The following ASAP1 variants were observed in gnomAD, a reference collection of about 807,000 sequenced individuals.
ASAP1 encodes the protein arf-GAP with SH3 domain, ANK repeat and PH domain-containing protein 1.
Under a neutral mutation model 145.2 loss-of-function variants are expected in ASAP1, and 43 were observed. The observed-to-expected ratio is 0.30, with a 90% CI of 0.23 to 0.38. ASAP1 has a LOEUF of 0.38. ASAP1 is among the 10% of genes least tolerant of loss of function. ASAP1 has a pLI of 1.00. For synonymous variants in ASAP1, 546 were observed against 515.5 expected, an observed-to-expected ratio of 1.06 and a Z score of -0.80; for missense variants, 1,018 against 1,355.3, an observed-to-expected ratio of 0.75 and a Z score of 3.91.
intron 27 of ASAP1, among the ~76,000 whole-genome samples, chr8:130,070,965 G>T (rs1592732962): frequency 8.1e-5 from 2 of 24,678 alleles, no homozygotes; most frequent in Admixed American, 3.9e-4. Flanking sequence ...GAGAGAGGGG[G>T]AGAGAGAGGG....
At chr8:130,418,423 C>T (rs1381868356) in intron 1 of ASAP1, among the ~76,000 whole-genome samples, 1 of 152,130 alleles carries the variant, frequency 6.6e-6, no homozygotes, top group African/African-American at 2.4e-5. Flanking sequence ...TGGCATGAGC[C>T]TGTAATCCCA....
intron 28 of ASAP1, among the ~76,000 whole-genome samples, chr8:130,058,560 G>A (rs1209620663): frequency 2.0e-5 from 3 of 152,196 alleles, no homozygotes; most frequent in Non-Finnish European, 4.4e-5. Flanking sequence ...AGTACATGCT[G>A]GTTAAACACA....
At chr8:130,419,220 A>G (rs1829617091) in intron 1 of ASAP1, among the ~76,000 whole-genome samples, 1 of 152,132 alleles carries the variant, frequency 6.6e-6, no homozygotes, top group Non-Finnish European at 1.5e-5. Flanking sequence ...ATCGCTCCTC[A>G]TTGCTGATTT....
At chr8:130,171,524 G>A (rs1490166472) in intron 9 of ASAP1, among the ~76,000 whole-genome samples, 1 of 152,082 alleles carries the variant, frequency 6.6e-6, no homozygotes, top group Non-Finnish European at 1.5e-5. Flanking sequence ...AACAGCATGG[G>A]GGAAACTGCC....
At chr8:130,160,810 C>A in intron 11 of ASAP1, 1 of 1,280,646 alleles carries the variant, frequency 7.8e-7, no homozygotes, top group Admixed American at 2.4e-5. Flanking sequence ...TCAGGAAGGG[C>A]AAAAGAAACA....
intron 24 of ASAP1, among the ~76,000 whole-genome samples, chr8:130,109,996 T>C (rs543835777): frequency 2.0e-5 from 3 of 152,342 alleles, no homozygotes; most frequent in African/African-American, 7.2e-5. Flanking sequence ...ACTGTATCCT[T>C]AGATGACCAC....
At chr8:130,334,284 A>G (rs566867249) in intron 3 of ASAP1, among the ~76,000 whole-genome samples, 4 of 152,354 alleles carry the variant, frequency 2.6e-5, no homozygotes, top group African/African-American at 9.6e-5. Context: ...TATCAAGCAC[A>G]TCAAATATGT....
At chr8:130,071,048 A>AGAGAGAGAGAGAGAGAGAG (rs2097445313) in intron 27 of ASAP1, among the ~76,000 whole-genome samples, 1 of 59,326 alleles carries the variant, frequency 1.7e-5, no homozygotes, top group Non-Finnish European at 3.2e-5. Flanking sequence ...GAGAGAGAGA[A>AGAGAGAGAGAGAGAGAGAG]AGCAGAGTTT....
chr8:130,088,768 A>G (rs1045827254), intron 25 of ASAP1, among the ~76,000 whole-genome samples: 3 of 152,222 alleles, frequency 2.0e-5, no homozygotes, highest in African/African-American at 7.2e-5. Flanking sequence ...GCTGAGAATA[A>G]TGGTAACAGT....
chr8:130,357,504 C>A (rs933562912), intron 3 of ASAP1, among the ~76,000 whole-genome samples: 1 of 152,256 alleles, frequency 6.6e-6, no homozygotes, highest in African/African-American at 2.4e-5. Flanking sequence ...ACAGTCCCAG[C>A]CTGAGTTCTC....
chr8:130,395,687 GAC>G (rs1194083776), intron 2 of ASAP1, among the ~76,000 whole-genome samples: 1 of 148,200 alleles, frequency 6.7e-6, no homozygotes, highest in Non-Finnish European at 1.5e-5. Context: ...TTTTTTTTGA[GAC>G]AGAGTCTCAC....
chr8:130,376,290 G>A (rs902232577), intron 2 of ASAP1, among the ~76,000 whole-genome samples: 11 of 152,208 alleles, frequency 7.2e-5, no homozygotes, highest in Non-Finnish European at 1.6e-4. Context: ...AGGGCCTGGT[G>A]GAATCCGCAT....
chr8:130,082,850 A>ATTT (rs1161963331), intron 25 of ASAP1: 1 of 151,084 alleles, frequency 6.6e-6, no homozygotes, highest in African/African-American at 2.4e-5. Flanking sequence ...GAGCCACTGC[A>ATTT]CCTAGCCTGG....
chr8:130,160,041 CT>C, intron 11 of ASAP1, 77 bp from the exon 12 acceptor site: 1 of 1,250,712 alleles, frequency 8.0e-7, no homozygotes, highest in Non-Finnish European at 1.2e-6. Flanking sequence ...GCCATTGAGC[CT>C]TTGGCACTGG....
chr8:130,072,494 T>A lies in ASAP1; in HGVS notation c.2701+3854A>T, dbSNP rs1031524524. On this transcript the variant is annotated intron_variant, in intron 27 of 29. Coordinates refer to ENST00000518721, the MANE Select transcript of ASAP1 (RefSeq NM_018482.4). Reference sequence around the variant, plus strand: ...TCTGCCATGATTGCGAGGCCTCCCCTGCCACATGGAACTGTGAGTCCATTA... The same window carrying A: ...TCTGCCATGATTGCGAGGCCTCCCCAGCCACATGGAACTGTGAGTCCATTA... Among the ~76,000 whole-genome samples, 4 of 142,474 alleles carry A rather than the reference T, an allele frequency of 2.8e-5. No homozygotes were observed. The South Asian group carries it at 6.7e-4, about 24-fold the overall frequency. The allele number at this position is 142,474 out of a possible 152,430, so 93.5% of individuals were successfully genotyped here. A position where few individuals can be genotyped will look rare whatever the true frequency, so the allele number is the denominator to read the frequency against.
chr8:130,137,474 G>T (rs2097597715), intron 13 of ASAP1, among the ~76,000 whole-genome samples: 1 of 152,188 alleles, frequency 6.6e-6, no homozygotes. Flanking sequence ...AGCACCAACA[G>T]TTGGCACTTT....
At chr8:130,107,141 T>C (rs1225521056) in intron 24 of ASAP1, among the ~76,000 whole-genome samples, 1 of 151,190 alleles carries the variant, frequency 6.6e-6, no homozygotes, top group Non-Finnish European at 1.5e-5. Flanking sequence ...TGGGGCAGGA[T>C]TGGGCCTTAT....
intron 15 of ASAP1, among the ~76,000 whole-genome samples, chr8:130,131,329 A>C (rs2097582652): frequency 6.6e-6 from 1 of 152,160 alleles, no homozygotes; most frequent in Non-Finnish European, 1.5e-5. Flanking sequence ...AATAAACTCA[A>C]TGATGCAGTG....
At chr8:130,224,279 ACATAAATCATAGCACTGC>A (rs1389927900) in intron 4 of ASAP1, among the ~76,000 whole-genome samples, 1 of 152,230 alleles carries the variant, frequency 6.6e-6, no homozygotes, top group Non-Finnish European at 1.5e-5. Context: ...GTAATATGTG[ACATAAATCATAGCACTGC>A]CATAAAAGGG....
Sources: gnomAD v4.1 joint callset for allele counts (sites outside exome capture counted in the v4.1 genomes callset) on GRCh38, gnomAD v4.1.1 for gene constraint, MANE v1.5 for transcripts, NCBI Gene and HGNC (gene_info 2026-07-23, HGNC 2026-07-21) for gene names.